The following PHACTR1 variants were observed in gnomAD, a reference collection of about 807,000 sequenced individuals.
PHACTR1 encodes RPEL repeat containing 1.
A neutral mutation model predicts 69.2 loss-of-function variants in PHACTR1; 16 were observed. The observed-to-expected ratio is 0.23, with a 90% CI of 0.16 to 0.35. PHACTR1 has a LOEUF of 0.35. Ranked by LOEUF, PHACTR1 falls within the 10% of genes least tolerant of loss-of-function variation. The probability of loss-of-function intolerance (pLI) is 1.00; values close to 1 mark genes in which losing one functional copy is unlikely to be tolerated. For synonymous variants in PHACTR1, 312 were observed against 284.5 expected (o/e 1.10, Z -0.97); for missense variants, 510 against 734.7 (o/e 0.69, Z 3.54).
chr6:13,195,792 GTGGTAAGAAGAGA>G (rs1764321949), intron 7 of PHACTR1, among the ~76,000 whole-genome samples: 1 of 101,192 alleles, frequency 9.9e-6, no homozygotes, highest in South Asian at 2.7e-4. Flanking sequence ...TTCATTTGTG[GTGGTAAGAAGAGA>G]GGTTAGAGGT....
intron 4 of PHACTR1, among the ~76,000 whole-genome samples, chr6:12,857,344 GT>G (rs1780491292): frequency 6.6e-6 from 1 of 152,208 alleles, no homozygotes; most frequent in South Asian, 2.1e-4. Flanking sequence ...AGGCGCGGTG[GT>G]TCATGCCTGT....
At chr6:12,968,584 A>T (rs1793774565) in intron 4 of PHACTR1, among the ~76,000 whole-genome samples, 1 of 152,220 alleles carries the variant, frequency 6.6e-6, no homozygotes, top group Admixed American at 6.5e-5. Context: ...TGAAAACATC[A>T]TTCTACTTTC....
In PHACTR1 at chr6:13,142,666, C is replaced by T. The variant is rs553107130; in HGVS notation, c.416-17538C>T. On this transcript the variant is annotated intron_variant, in intron 5 of 14. Transcript: ENST00000332995. Reference sequence around the variant, plus strand: ...CATTTGTTTAAAAAGTTCTATTTTTCCCCTTTGAATTTTCTCAGTACCCTT... The same window carrying T: ...CATTTGTTTAAAAAGTTCTATTTTTTCCCTTTGAATTTTCTCAGTACCCTT... Among the ~76,000 whole-genome samples the T allele has an allele frequency of 2.6e-5, 4 of 152,100 alleles. No homozygotes were observed. The South Asian group carries it at 8.3e-4, about 32-fold the overall frequency.
chr6:13,060,492 G>A (rs1471334502), intron 5 of PHACTR1, among the ~76,000 whole-genome samples: 1 of 152,178 alleles, frequency 6.6e-6, no homozygotes, highest in Non-Finnish European at 1.5e-5. Context: ...GCAGTAGAAG[G>A]AGTTAGAAAA....
intron 4 of PHACTR1, among the ~76,000 whole-genome samples, chr6:12,781,467 A>G (rs963107438): frequency 6.6e-6 from 1 of 152,128 alleles, no homozygotes; most frequent in African/African-American, 2.4e-5. Flanking sequence ...CTTGCAAACT[A>G]TTTTCCAAAT....
At chr6:12,961,217 A>G (rs2127567587) in intron 4 of PHACTR1, among the ~76,000 whole-genome samples, 1 of 152,342 alleles carries the variant, frequency 6.6e-6, no homozygotes, top group South Asian at 2.1e-4. Flanking sequence ...TGACAAAGAT[A>G]ACACAAATGT....
At chr6:13,231,167 A>AGGAAAG (rs1771009318) in intron 10 of PHACTR1, among the ~76,000 whole-genome samples, 11 of 144,860 alleles carry the variant, frequency 7.6e-5, no homozygotes, top group Non-Finnish European at 1.1e-4. Flanking sequence ...GAAAGAGCGA[A>AGGAAAG]AGAGGAGGAG....
chr6:13,016,310 T>C (rs1800161193), intron 4 of PHACTR1, among the ~76,000 whole-genome samples: 1 of 152,246 alleles, frequency 6.6e-6, no homozygotes, highest in African/African-American at 2.4e-5. Flanking sequence ...CACACCTGTA[T>C]TATGTCCAGT....
chr6:13,223,773 A>G (rs1209299992), intron 8 of PHACTR1, among the ~76,000 whole-genome samples: 1 of 152,210 alleles, frequency 6.6e-6, no homozygotes, highest in African/African-American at 2.4e-5. Flanking sequence ...CCTGTCCCAT[A>G]CGGTTGCTGG....
intron 4 of PHACTR1, chr6:12,933,993 A>G: frequency 6.6e-7 from 1 of 1,507,678 alleles, no homozygotes; most frequent in Admixed American, 2.2e-5. Context: ...AAACTACATG[A>G]CATAAAACAA....
At chr6:12,962,019 C>G (rs1228011550) in intron 4 of PHACTR1, among the ~76,000 whole-genome samples, 1 of 152,122 alleles carries the variant, frequency 6.6e-6, no homozygotes, top group Non-Finnish European at 1.5e-5. Flanking sequence ...GCCTTGATCT[C>G]CTGGGCTCAA....
At chr6:12,736,279 A>G (rs773073048) in intron 3 of PHACTR1, among the ~76,000 whole-genome samples, 4 of 152,180 alleles carry the variant, frequency 2.6e-5, no homozygotes, top group Non-Finnish European at 4.4e-5. Context: ...GTAGCTTTTC[A>G]TGAATGATTT....
chr6:12,753,944 A>G (rs1377615276), intron 4 of PHACTR1, among the ~76,000 whole-genome samples: 5 of 65,732 alleles, frequency 7.6e-5, no homozygotes, highest in Non-Finnish European at 1.1e-4. Flanking sequence ...CAAGTTGTAA[A>G]TATATATATA....
At chr6:13,105,992 TGA>T (rs780311062) in intron 5 of PHACTR1, among the ~76,000 whole-genome samples, 56 of 152,170 alleles carry the variant, frequency 3.7e-4, no homozygotes, top group Admixed American at 7.2e-4. Flanking sequence ...CTATAGGGTG[TGA>T]GTTATAGTGT....
At chr6:13,078,073 G>A (rs1478942714) in intron 5 of PHACTR1, among the ~76,000 whole-genome samples, 7 of 152,160 alleles carry the variant, frequency 4.6e-5, no homozygotes, top group Non-Finnish European at 1.0e-4. Context: ...AGGACGCCAA[G>A]GCTGGATTCT....
intron 5 of PHACTR1, among the ~76,000 whole-genome samples, chr6:13,155,309 G>A (rs1473152493): frequency 1.3e-5 from 2 of 152,078 alleles, no homozygotes; most frequent in Non-Finnish European, 2.9e-5. Context: ...ATAAGCCCTG[G>A]GTCTGGGAGA....
intron 5 of PHACTR1, among the ~76,000 whole-genome samples, chr6:13,143,635 G>C (rs1297687679): frequency 6.6e-6 from 1 of 152,044 alleles, no homozygotes; most frequent in African/African-American, 2.4e-5. Flanking sequence ...TACCCCTGGT[G>C]CTCAAACACT....
intron 4 of PHACTR1, among the ~76,000 whole-genome samples, chr6:12,850,095 C>G (rs1467973280): frequency 2.0e-5 from 3 of 152,198 alleles, no homozygotes; most frequent in African/African-American, 4.8e-5. Flanking sequence ...ACTGCATGGA[C>G]TGAAACTTGG....
intron 8 of PHACTR1, among the ~76,000 whole-genome samples, chr6:13,211,522 C>G (rs1766843850): frequency 6.6e-6 from 1 of 152,120 alleles, no homozygotes; most frequent in Non-Finnish European, 1.5e-5. Flanking sequence ...CATGTGGACC[C>G]TGAAGGAATT....
Sources: allele counts gnomAD v4.1 joint callset (sites outside exome capture counted in the v4.1 genomes callset), GRCh38; gene constraint gnomAD v4.1.1; transcripts MANE v1.5; gene names NCBI Gene and HGNC (gene_info 2026-07-23, HGNC 2026-07-21).